POLE: variants seen among roughly 807,000 people sequenced by gnomAD.
The protein encoded by POLE is DNA polymerase epsilon catalytic subunit A.
Under a neutral mutation model 279.2 loss-of-function variants are expected in POLE, and 188 were observed. That is an observed-to-expected ratio of 0.67 (90% CI 0.60 to 0.76). The LOEUF (loss-of-function observed/expected upper bound fraction) is 0.76. POLE is among the 30% of genes least tolerant of loss of function. The pLI, the probability that POLE is intolerant of heterozygous loss-of-function variation, is 0.00. For missense variants in POLE, 2,703 were observed against 3,016.7 expected (o/e 0.90, Z 2.44); for synonymous variants, 1,214 against 1,172.5 (o/e 1.04, Z -0.72).
Position 132,639,097 on chromosome 12 carries a change from G to T in POLE, c.5552+28C>A, listed in dbSNP as rs2138507780. 1 of 1,608,904 alleles carries T rather than the reference G, an allele frequency of 6.2e-7. No homozygotes were observed. The highest frequency in any genetic ancestry group is 8.5e-7 in the Non-Finnish European group (1 of 1,175,768). On this transcript the variant is annotated intron_variant, in intron 40 of 48. Transcript: ENST00000320574. The surrounding 1 kb of genome is among the most constrained non-coding windows in gnomAD (Gnocchi z 4.7). ...GGACCAGCCCAGCTGAGGACGCGGT[G>T]GACAGCCCAGGGAGGAGGAGCACTC...
At position 132,657,079 on chromosome 12, in the gene POLE, G is replaced by T. The variant is rs908391837; in HGVS notation, c.3582+57C>A. The T allele has an allele frequency of 4.4e-6, 7 of 1,584,014 alleles. No homozygotes were observed. The African/African-American group carries it at 8.1e-5, about 18-fold the overall frequency. ...GCACACACAGCAGCGCAAGAAGCCT[G>T]GAGTCCTGTGTGTCACAAGGATCCC... On this transcript the variant is annotated intron_variant, in intron 29 of 48. Coordinates refer to ENST00000320574, the MANE Select transcript of POLE (RefSeq NM_006231.4).
chr12:132,678,485 A>G (rs1178846129), intron 6 of POLE, among the ~76,000 whole-genome samples: 1 of 150,072 alleles, frequency 6.7e-6, no homozygotes, highest in Admixed American at 6.6e-5. Context: ...GCTGAGGTGA[A>G]AGGATCGCTT....
At chr12:132,653,547 T>C (rs1465468787) in intron 29 of POLE, among the ~76,000 whole-genome samples, 2 of 152,240 alleles carry the variant, frequency 1.3e-5, no homozygotes, top group African/African-American at 4.8e-5. Flanking sequence ...TGGTATCTAA[T>C]TGTTGCTGAA....
chr12:132,642,322 G>A lies in POLE; in HGVS notation c.5028C>T (p.His1676=). 3 of 1,598,802 alleles carry A rather than the reference G, an allele frequency of 1.9e-6. No individual in the cohort carries two copies. Among genetic ancestry groups the A allele is most frequent in the Non-Finnish European group, 2.6e-6 (3 of 1,172,404 alleles). The change falls in exon 38 of 49, where the codon CAC becomes CAT. Residue 1676 remains histidine (H), a synonymous_variant. Coordinates refer to ENST00000320574, the MANE Select transcript of POLE (RefSeq NM_006231.4). ...TFGSDLFFAR[H]LQRHNHLLWL... ...AGAGCAGGTGGTTGTGGCGCTGGAG[G>A]TGGCGGGCAAAGAAGAGGTCGGAGC...
intron 39 of POLE, chr12:132,641,378 G>T: frequency 1.9e-6 from 1 of 525,984 alleles, no homozygotes. Context: ...ACATCGAAAA[G>T]TGGCCCTGGT....
chr12:132,657,452 C>A, intron 27 of POLE, 23 bp from the exon 28 acceptor site: 1 of 1,606,962 alleles, frequency 6.2e-7, no homozygotes, highest in Non-Finnish European at 8.5e-7. Flanking sequence ...GAAACGGGCA[C>A]AGAGAACAGC....
intron 42 of POLE, 147 bp downstream of exon 42, chr12:132,635,745 C>T (rs1031566114): frequency 2.7e-6 from 2 of 754,448 alleles, no homozygotes; most frequent in Non-Finnish European, 4.2e-6. Flanking sequence ...TGCGCATGGT[C>T]CCTCCCCGTG....
At position 132,668,490 on chromosome 12, in the gene POLE, C is replaced by A. The variant is rs763522976; in HGVS notation, c.2039G>T (p.Arg680Leu). Reference protein sequence around the residue: ...QWRGEFMPASRSEYHRIQHQL... With the variant: ...QWRGEFMPASLSEYHRIQHQL... ...GTGCTGGATCCGATGGTATTCGCTG[C>A]GACTGGCTGGCACTGGGAAGGAGGC... The change falls in exon 19 of 49, where the codon CGC (arginine) becomes CTC (leucine). Residue 680 changes from arginine to leucine, a missense_variant. Around this residue, in one of 5 missense-constraint regions of POLE, gnomAD observed 1,011 missense variants for 1,111.7 expected, o/e 0.91. Transcript: ENST00000320574. The surrounding 1 kb of genome is among the most constrained non-coding windows in gnomAD (Gnocchi z 4.0). 1.2e-5 allele frequency: 19 copies of A among 1,598,022 alleles called. No homozygotes were observed. In the South Asian group the frequency reaches 1.6e-4, roughly 13 times the overall value.
rs1197719420 is a variant in POLE at position 132,687,204 on chromosome 12, T to C, written c.62+50A>G. On this transcript the variant is annotated intron_variant, in intron 1 of 48. Transcript: ENST00000320574. ...GCGGCGCCAGCCGAGGACGGCCCCATGGCACCCTCCGGAGGGCCGGCCCGA... is the reference window on the plus strand; with the variant it reads ...GCGGCGCCAGCCGAGGACGGCCCCACGGCACCCTCCGGAGGGCCGGCCCGA... The C allele has an allele frequency of 8.0e-5, 102 of 1,274,234 alleles. 1 individual carries two copies. In the Admixed American group the frequency reaches 2.7e-3, roughly 34 times the overall value. The allele number at this position is 1,274,234 out of a possible 1,614,324, so 78.9% of individuals were successfully genotyped here. A position where few individuals can be genotyped will look rare whatever the true frequency, so the allele number is the denominator to read the frequency against.
At chr12:132,643,099 G>A (rs753818771) in intron 35 of POLE, 103 bp from the exon 36 acceptor site, 195 of 1,471,786 alleles carry the variant, frequency 1.3e-4, no homozygotes, top group Non-Finnish European at 1.6e-4. Context: ...ATTCAATCAC[G>A]ACAAGCACTC....
Position 132,679,487 on chromosome 12 carries a change from CAA to C in POLE, c.578+8_578+9del. On this transcript the variant is annotated splice_region_variant and intron_variant, in intron 6 of 48. Coordinates refer to ENST00000320574, the MANE Select transcript of POLE (RefSeq NM_006231.4). ...ACCGCTGATGCTTTGCTCACAAGACCAAAGTTTACCTGGAAAGCAGAGCTGTG... is the reference window on the plus strand; with the variant it reads ...ACCGCTGATGCTTTGCTCACAAGACCAGTTTACCTGGAAAGCAGAGCTGTG... 6.3e-7 allele frequency: 1 copy of C among 1,595,172 alleles called. No homozygotes were observed.
rs1232888774 is a variant in POLE, at chr12:132,676,606, G to C, written c.849C>G (p.Leu283=). 2 of 1,613,890 alleles carry C rather than the reference G, an allele frequency of 1.2e-6. No individual in the cohort carries two copies. Among genetic ancestry groups the C allele is most frequent in the African/African-American group, 2.7e-5 (2 of 74,916 alleles). The change falls in exon 9 of 49, where the codon CTC becomes CTG. Residue 283 remains leucine (L), a synonymous_variant. Transcript: ENST00000320574. The stretch of plus-strand genomic sequence containing the variant: ...GGTCTGTCTCAGCATCAGGAAACTT[G>C]AGGGGCAGTTTGGTCGTCTCAATGT... ...AFDIETTKLP[L]KFPDAETDQI...
At chr12:132,638,984 C>G (rs575430398) in intron 40 of POLE, 141 bp downstream of exon 40, 1 of 738,118 alleles carries the variant, frequency 1.4e-6, no homozygotes, top group South Asian at 1.8e-5. Context: ...CTCTGGGATC[C>G]TTTGGATTGT....
In POLE at chr12:132,687,300, C is replaced by G. The variant is rs202220778; in HGVS notation, c.16G>C (p.Gly6Arg). Residue 6 changes from glycine to arginine, a missense_variant, in exon 1 of 49, where the codon GGC becomes CGC. Physicochemically the swap from Gly to Arg is moderately radical, Grantham distance 125 (BLOSUM62 -2). This residue lies in a region of POLE where 1,011 missense variants were observed against 1,111.7 expected (regional missense o/e 0.91). Coordinates refer to ENST00000320574, the MANE Select transcript of POLE (RefSeq NM_006231.4). ...CCTGGGTCCGCGCGCCGCCGCCCGC[C>G]GCTCCTCAGAGACATGGAGCCGTTG... MSLRS[G>R]GRRRADPGAD... The G allele has an allele frequency of 4.9e-3, 7,341 of 1,505,724 alleles. 27 individuals are homozygous for G. Among genetic ancestry groups the G allele is most frequent in the Non-Finnish European group, 5.9e-3 (6,658 of 1,127,948 alleles). 93.3% of individuals were successfully genotyped at this position (1,505,724 alleles called of 1,614,324 possible).
In POLE at chr12:132,659,521, C is replaced by T. The variant is rs779496994; in HGVS notation, c.3061-12G>A. The stretch of plus-strand genomic sequence containing the variant: ...GGCATGTTGGCTGCCTAGAGAAAGA[C>T]AATGGGTAAAACACTGCAGAAATCA... On this transcript the variant is annotated splice_polypyrimidine_tract_variant and intron_variant, in intron 25 of 48. Coordinates refer to ENST00000320574, the MANE Select transcript of POLE (RefSeq NM_006231.4). 1.9e-6 allele frequency: 3 copies of T among 1,611,010 alleles called. No homozygotes were observed. In the South Asian group the frequency reaches 3.3e-5, roughly 18 times the overall value.
At position 132,668,290 on chromosome 12, in the gene POLE, C is replaced by G. The variant is rs1440801127; in HGVS notation, c.2173+66G>C. ...CCAGCTGGGATGGACCAACGCAGCC[C>G]AGTAAGAACAGAAAGTGGGAGCAGG... On this transcript the variant is annotated intron_variant, in intron 19 of 48. Coordinates refer to ENST00000320574, the MANE Select transcript of POLE (RefSeq NM_006231.4). The surrounding 1 kb of genome is among the most constrained non-coding windows in gnomAD (Gnocchi z 4.0). The G allele has an allele frequency of 6.7e-7, 1 of 1,499,608 alleles. No individual in the cohort carries two copies. The highest frequency in any genetic ancestry group is 8.9e-7 in the Non-Finnish European group (1 of 1,125,590). 92.9% of individuals were successfully genotyped at this position (1,499,608 alleles called of 1,614,324 possible).
chr12:132,667,850 G>A (rs1206071107), intron 19 of POLE, among the ~76,000 whole-genome samples: 1 of 152,186 alleles, frequency 6.6e-6, no homozygotes, highest in Admixed American at 6.5e-5. Context: ...GGGAGGCCGA[G>A]GCAGGCGGAT....
At chr12:132,655,045 T>C (rs7964867) in intron 29 of POLE, among the ~76,000 whole-genome samples, 3,323 of 152,300 alleles carry the variant, frequency 0.022, 121 homozygotes, top group African/African-American at 0.076. Context: ...GCTAGGACTA[T>C]AGGTGTGCAC....
At chr12:132,685,160 A>C (rs1436354857) in intron 1 of POLE, among the ~76,000 whole-genome samples, 1 of 130,800 alleles carries the variant, frequency 7.6e-6, no homozygotes, top group African/African-American at 3.0e-5. Flanking sequence ...ACTGGTTACT[A>C]TATCACACCG....
Sources: gnomAD v4.1 joint callset for allele counts (sites outside exome capture counted in the v4.1 genomes callset) on GRCh38, gnomAD v4.1.1 for gene constraint, gnomAD v4.1.1 regional missense constraint, Gnocchi (gnomAD v3.1) non-coding constraint, MANE v1.5 for transcripts, NCBI Gene and HGNC (gene_info 2026-07-23, HGNC 2026-07-21) for gene names.